The following DLG1 variants were observed in gnomAD, a reference collection of about 807,000 sequenced individuals.
DLG1 encodes disks large homolog 1.
A neutral mutation model predicts 123.4 loss-of-function variants in DLG1; 42 were observed. The ratio of observed to expected loss-of-function variants is 0.34; its 90% CI spans 0.27 to 0.44. The LOEUF (loss-of-function observed/expected upper bound fraction) is 0.44. Among genes scored for constraint, DLG1 ranks in the 20% least tolerant of loss-of-function variants. The pLI is 1.00. For missense variants in DLG1, 942 were observed against 1,082.6 expected (o/e 0.87, Z 1.82); for synonymous variants, 317 against 356.2 (o/e 0.89, Z 1.24).
At chr3:197,267,624 A>C (rs1395909658) in intron 4 of DLG1, among the ~76,000 whole-genome samples, 1 of 151,622 alleles carries the variant, frequency 6.6e-6, no homozygotes, top group Non-Finnish European at 1.5e-5. Flanking sequence ...CTCCACAGTA[A>C]CTGTTCTCTT....
At chr3:197,129,348 G>C (rs1781360798) in intron 11 of DLG1, among the ~76,000 whole-genome samples, 1 of 152,162 alleles carries the variant, frequency 6.6e-6, no homozygotes, top group Non-Finnish European at 1.5e-5. Context: ...ACCCCTGCTA[G>C]CCTCACATTT....
intron 5 of DLG1, among the ~76,000 whole-genome samples, chr3:197,185,146 ATAATC>A (rs1461657438): frequency 3.3e-5 from 5 of 152,246 alleles, no homozygotes; most frequent in African/African-American, 1.2e-4. Flanking sequence ...TATTGGTTGA[ATAATC>A]TAATTTTTAA....
At position 197,249,528 on chromosome 3, in the gene DLG1, T is replaced by TA. The variant is rs201682895; in HGVS notation, c.318+33150dup. Among the ~76,000 whole-genome samples the TA allele has an allele frequency of 2.8e-3, 421 of 150,162 alleles. 5 individuals are homozygous for TA. The East Asian group carries it at 0.029, about 10-fold the overall frequency. On this transcript the variant is annotated intron_variant, in intron 4 of 24. Coordinates refer to ENST00000667157, the MANE Select transcript of DLG1 (RefSeq NM_001366207.1). ...TTCTACCAGTTCTACTCAAACTCTT[T>TA]AAAAAAAAAATCGAATGTTTTGGAA...
intron 5 of DLG1, among the ~76,000 whole-genome samples, chr3:197,175,925 C>T (rs1806787303): frequency 6.6e-6 from 1 of 152,132 alleles, no homozygotes; most frequent in African/African-American, 2.4e-5. Flanking sequence ...CTTTTCAGCA[C>T]TGTTATTAAC....
intron 4 of DLG1, among the ~76,000 whole-genome samples, chr3:197,277,519 T>C (rs1186615134): frequency 6.6e-6 from 1 of 152,084 alleles, no homozygotes; most frequent in Non-Finnish European, 1.5e-5. Flanking sequence ...TTTTGTATTT[T>C]TAGTAGAGGC....
At chr3:197,238,174 G>C (rs1232191934) in intron 4 of DLG1, among the ~76,000 whole-genome samples, 4 of 152,122 alleles carry the variant, frequency 2.6e-5, no homozygotes, top group Non-Finnish European at 4.4e-5. Flanking sequence ...CAGCGTCAGA[G>C]AAAATGAGCC....
intron 5 of DLG1, among the ~76,000 whole-genome samples, chr3:197,193,418 G>C (rs1720708319): frequency 6.6e-6 from 1 of 152,152 alleles, no homozygotes; most frequent in African/African-American, 2.4e-5. Flanking sequence ...GCTGAAACTG[G>C]AAATGACACA....
At chr3:197,143,492 G>C (rs957977211) in intron 6 of DLG1, among the ~76,000 whole-genome samples, 5 of 152,138 alleles carry the variant, frequency 3.3e-5, no homozygotes, top group Non-Finnish European at 5.9e-5. Flanking sequence ...TTCTGACCTC[G>C]TGATCCACCC....
intron 18 of DLG1, among the ~76,000 whole-genome samples, chr3:197,072,190 G>C (rs896370145): frequency 5.3e-5 from 8 of 151,646 alleles, no homozygotes; most frequent in Non-Finnish European, 8.8e-5. Context: ...ATTTTACCAC[G>C]GTTTTTTTTA....
intron 10 of DLG1, chr3:197,136,293 C>A: frequency 2.7e-6 from 1 of 369,746 alleles, no homozygotes; most frequent in Non-Finnish European, 4.9e-6. Context: ...TGATGAAACA[C>A]TCTGTGCATA....
At chr3:197,278,304 A>G (rs2151111656) in intron 4 of DLG1, among the ~76,000 whole-genome samples, 1 of 149,280 alleles carries the variant, frequency 6.7e-6, no homozygotes, top group Middle Eastern at 3.4e-3. Flanking sequence ...AAAAAAAAAA[A>G]AAAAAAAGAA....
At chr3:197,094,687 T>TCA (rs1410710684) in intron 14 of DLG1, among the ~76,000 whole-genome samples, 1 of 152,196 alleles carries the variant, frequency 6.6e-6, no homozygotes, top group Non-Finnish European at 1.5e-5. Context: ...TCTCCTCCTA[T>TCA]CATTTTGGAT....
chr3:197,269,152 A>G (rs967544749), intron 4 of DLG1, among the ~76,000 whole-genome samples: 2 of 151,886 alleles, frequency 1.3e-5, no homozygotes, highest in Admixed American at 1.3e-4. Context: ...AACTAGTAAC[A>G]TAATTGTTAA....
At chr3:197,079,326 G>GT (rs1749380747) in intron 17 of DLG1, among the ~76,000 whole-genome samples, 1 of 152,148 alleles carries the variant, frequency 6.6e-6, no homozygotes, top group African/African-American at 2.4e-5. Flanking sequence ...CTAAAATGTT[G>GT]TAAGTCTGTA....
chr3:197,282,587 T>C, intron 4 of DLG1, 92 bp downstream of exon 4: 1 of 827,768 alleles, frequency 1.2e-6, no homozygotes, highest in Non-Finnish European at 1.7e-6. Context: ...AATCCACTTG[T>C]ATAAAATATT....
rs192688174 is a variant in DLG1, at chr3:197,046,482, T to C, written c.2576-1753A>G. 6.6e-4 allele frequency among the ~76,000 whole-genome samples: 101 copies of C among 152,320 alleles called. 1 individual carries two copies. Among genetic ancestry groups the C allele is most frequent in the Admixed American group, 4.3e-3 (65 of 15,292 alleles). ...GCATGATACACAGAGGACACATCAT[T>C]ACTTCATTGCTATTCCTGCCCCAAA... On this transcript the variant is annotated intron_variant, in intron 24 of 24. Transcript: ENST00000667157.
At chr3:197,102,534 G>A (rs1178110667) in intron 14 of DLG1, among the ~76,000 whole-genome samples, 8 of 152,202 alleles carry the variant, frequency 5.3e-5, no homozygotes, top group Admixed American at 5.2e-4. Flanking sequence ...AAGCTTTGAT[G>A]CTTTTCCCCA....
At chr3:197,242,793 T>C (rs440360) in intron 4 of DLG1, among the ~76,000 whole-genome samples, 19,968 of 152,090 alleles carry the variant, frequency 0.13, 1,741 homozygotes, top group South Asian at 0.35. Context: ...TTTATGGCAA[T>C]AAACACCTGC....
chr3:197,050,421 C>A (rs771538078), intron 24 of DLG1, among the ~76,000 whole-genome samples: 1 of 150,840 alleles, frequency 6.6e-6, no homozygotes, highest in African/African-American at 2.4e-5. Context: ...CAAACAACAA[C>A]AAATATATAT....
Sources: gnomAD v4.1 joint callset for allele counts (sites outside exome capture counted in the v4.1 genomes callset) on GRCh38, gnomAD v4.1.1 for gene constraint, MANE v1.5 for transcripts, NCBI Gene and HGNC (gene_info 2026-07-23, HGNC 2026-07-21) for gene names.